The following RMND1 variants were observed in gnomAD, a reference collection of about 807,000 sequenced individuals.
RMND1 encodes required for meiotic nuclear division protein 1 homolog.
A neutral mutation model predicts 54.0 loss-of-function variants in RMND1; 41 were observed. The observed-to-expected ratio is 0.76, with a 90% CI of 0.59 to 0.98. The LOEUF is 0.98. RMND1 is among the 50% of genes least tolerant of loss of function. The pLI, the probability that RMND1 is intolerant of heterozygous loss-of-function variation, is 0.00. For missense variants in RMND1, 457 were observed against 532.0 expected (o/e 0.86, Z 1.39); for synonymous variants, 183 against 181.7 (o/e 1.01, Z -0.06).
intron 6 of RMND1, among the ~76,000 whole-genome samples, chr6:151,426,017 C>T (rs9383892): frequency 0.14 from 21,385 of 150,348 alleles, 1,686 homozygotes; most frequent in East Asian, 0.36. Context: ...GATCTCAGGT[C>T]ATGGCAACCT....
At chr6:151,450,993 C>T (rs900182956) in intron 1 of RMND1, among the ~76,000 whole-genome samples, 1 of 152,074 alleles carries the variant, frequency 6.6e-6, no homozygotes, top group Non-Finnish European at 1.5e-5. Flanking sequence ...TAAACAGATG[C>T]TTGAAGGCAG....
At chr6:151,429,906 G>T (rs1429974609) in intron 5 of RMND1, among the ~76,000 whole-genome samples, 1 of 152,116 alleles carries the variant, frequency 6.6e-6, no homozygotes, top group Non-Finnish European at 1.5e-5. Flanking sequence ...TAGTTAGGAT[G>T]GTTCTGATTC....
intron 1 of RMND1, among the ~76,000 whole-genome samples, chr6:151,449,368 C>T (rs9397410): frequency 0.49 from 66,438 of 135,570 alleles, 16,585 homozygotes; most frequent in African/African-American, 0.71. Flanking sequence ...GATTCTGTAA[C>T]GAAAAAAAAA....
intron 2 of RMND1, among the ~76,000 whole-genome samples, chr6:151,443,587 G>C (rs1780855493): frequency 6.6e-6 from 1 of 152,158 alleles, no homozygotes; most frequent in African/African-American, 2.4e-5. Context: ...TGGGATTACA[G>C]CTGTGAGCCA....
intron 8 of RMND1, among the ~76,000 whole-genome samples, chr6:151,421,744 A>T (rs778252667): frequency 6.6e-6 from 1 of 152,174 alleles, no homozygotes; most frequent in Non-Finnish European, 1.5e-5. Context: ...ACACTTTCTT[A>T]AATCAGGAAA....
At chr6:151,412,910 C>G (rs989487875) in intron 10 of RMND1, among the ~76,000 whole-genome samples, 1 of 152,036 alleles carries the variant, frequency 6.6e-6, no homozygotes, top group South Asian at 2.1e-4. Flanking sequence ...GATCCAGTCA[C>G]CCCCCCACCA....
rs762150893 is a variant in RMND1, at chr6:151,445,630, C to A, written c.182G>T (p.Gly61Val). 6.2e-7 allele frequency: 1 copy of A among 1,614,152 alleles called. No individual in the cohort carries two copies. Among genetic ancestry groups the A allele is most frequent in the South Asian group, 1.1e-5 (1 of 91,078 alleles). ...TTCCAGGATCTGAGACTTATTCAAACCACTAGCTGTTTTATCAGGAAGGAA... is the reference window on the plus strand; with the variant it reads ...TTCCAGGATCTGAGACTTATTCAAAACACTAGCTGTTTTATCAGGAAGGAA... Reference protein sequence around the residue: ...DLFLPDKTASGLNKSQILEMN... With the variant: ...DLFLPDKTASVLNKSQILEMN... Residue 61 changes from glycine (G) to valine (V), a missense_variant, in exon 2 of 12, where the codon GGT becomes GTT. Physicochemically the swap from Gly to Val is moderately radical, Grantham distance 109 (BLOSUM62 -3). Coordinates refer to ENST00000444024, the MANE Select transcript of RMND1 (RefSeq NM_017909.4).
chr6:151,410,879 C>G (rs964323026), intron 10 of RMND1, among the ~76,000 whole-genome samples: 1 of 152,104 alleles, frequency 6.6e-6, no homozygotes, highest in African/African-American at 2.4e-5. Context: ...TTTGTAGATT[C>G]TTCCAGGTCT....
intron 1 of RMND1, among the ~76,000 whole-genome samples, chr6:151,451,218 A>C (rs1045572761): frequency 3.3e-5 from 5 of 149,948 alleles, no homozygotes; most frequent in Admixed American, 1.3e-4. Context: ...AAAAAAAAAA[A>C]ACACAACCAG....
rs1393039876 is a variant in RMND1 at position 151,445,769 on chromosome 6, TATG to T, written c.40_42del (p.His14del). 1 of 1,613,374 alleles carries T rather than the reference TATG, an allele frequency of 6.2e-7. No homozygotes were observed. On this transcript the variant is annotated inframe_deletion, in exon 2 of 12. Coordinates refer to ENST00000444024, the MANE Select transcript of RMND1 (RefSeq NM_017909.4). ...CGGCACTGATGTGCTTTTGATAATA[TATG>T]ATGAGATCTGGCCACGGCTCTGAGG... is the stretch of plus-strand genomic sequence containing the variant.
chr6:151,416,042 G>T (rs147230474), intron 10 of RMND1, among the ~76,000 whole-genome samples: 5,221 of 151,990 alleles, frequency 0.034, 183 homozygotes, highest in East Asian at 0.17. Context: ...GCAATGGCAT[G>T]ACCTCAGCTC....
At chr6:151,408,030 G>A (rs1779688389) in intron 10 of RMND1, among the ~76,000 whole-genome samples, 1 of 152,166 alleles carries the variant, frequency 6.6e-6, no homozygotes, top group Non-Finnish European at 1.5e-5. Context: ...AGGCTTCACA[G>A]AGGTAGGAAA....
At chr6:151,450,268 C>G (rs1482534621) in intron 1 of RMND1, among the ~76,000 whole-genome samples, 5 of 151,998 alleles carry the variant, frequency 3.3e-5, no homozygotes, top group African/African-American at 1.2e-4. Flanking sequence ...GCCGCCCCGT[C>G]TGGGATGTGA....
intron 1 of RMND1, among the ~76,000 whole-genome samples, chr6:151,451,575 T>C (rs1030723659): frequency 1.8e-4 from 28 of 152,198 alleles, no homozygotes; most frequent in African/African-American, 6.8e-4. Context: ...TTTTTCCTAT[T>C]ATATCTCCTG....
chr6:151,450,575 G>A (rs1402226530), intron 1 of RMND1, among the ~76,000 whole-genome samples: 1 of 147,052 alleles, frequency 6.8e-6, no homozygotes, highest in Non-Finnish European at 1.5e-5. Context: ...CCGGGAGGGA[G>A]GTGGGGGGGT....
At chr6:151,417,427 AT>A in intron 9 of RMND1, 28 bp from the exon 10 acceptor site, 1 of 1,493,326 alleles carries the variant, frequency 6.7e-7, no homozygotes, top group Middle Eastern at 1.8e-4. Flanking sequence ...ATAACTTTTT[AT>A]TTATCTTGAA....
chr6:151,436,682 G>C (rs1277623798), intron 2 of RMND1, 128 bp from the exon 3 acceptor site: 11 of 787,434 alleles, frequency 1.4e-5, no homozygotes, highest in Non-Finnish European at 1.9e-5. Context: ...ACATCTCCAA[G>C]GGTGATACAA....
intron 6 of RMND1, among the ~76,000 whole-genome samples, chr6:151,425,354 T>A (rs1327181233): frequency 6.6e-6 from 1 of 152,120 alleles, no homozygotes; most frequent in Non-Finnish European, 1.5e-5. Context: ...ACAGTCTTTC[T>A]GACGAAACAA....
In RMND1 at chr6:151,445,518, C is replaced by A; in HGVS notation, c.294G>T (p.Met98Ile). ...CTCTCCTGTGAGTACCAAAGGATTT[C>A]ATGGTTGGAAGGTGTGCCTTTTCAT... The part of the protein sequence containing the change: ...CQDEKAHLPT[M>I]KSFGTHRRVT... The change falls in exon 2 of 12, where the codon ATG (methionine) becomes ATT (isoleucine). Residue 98 changes from methionine to isoleucine, a missense_variant. Physicochemically the swap from Met to Ile is conservative, Grantham distance 10. Coordinates refer to ENST00000444024, the MANE Select transcript of RMND1 (RefSeq NM_017909.4). 1 of 1,614,222 alleles carries A rather than the reference C, an allele frequency of 6.2e-7. No homozygotes were observed. Among genetic ancestry groups the A allele is most frequent in the Non-Finnish European group, 8.5e-7 (1 of 1,180,044 alleles).
Sources: gnomAD v4.1 joint callset for allele counts (sites outside exome capture counted in the v4.1 genomes callset) on GRCh38, gnomAD v4.1.1 for gene constraint, MANE v1.5 for transcripts, NCBI Gene and HGNC (gene_info 2026-07-23, HGNC 2026-07-21) for gene names.